The following LINC00305 variants were observed in gnomAD, a reference collection of about 807,000 sequenced individuals.
The protein encoded by LINC00305 is long independently transcribed non-coding RNA 305.
chr18:64,085,257 C>CTATTCT (rs2144891598), intron 3 of LINC00305, among the ~76,000 whole-genome samples: 1 of 152,292 alleles, frequency 6.6e-6, no homozygotes, highest in African/African-American at 2.4e-5. Flanking sequence ...ATTCCTATTC[C>CTATTCT]TATTCTTATG....
chr18:64,108,897 A>G (rs962364178), intron 1 of LINC00305, among the ~76,000 whole-genome samples: 1 of 152,248 alleles, frequency 6.6e-6, no homozygotes, highest in Non-Finnish European at 1.5e-5. Flanking sequence ...AGAAAAAGAA[A>G]GAAACATAAT....
intron 1 of LINC00305, among the ~76,000 whole-genome samples, chr18:64,120,005 CA>C (rs1421468999): frequency 6.6e-6 from 1 of 152,008 alleles, no homozygotes; most frequent in Non-Finnish European, 1.5e-5. Context: ...ACAAAAAAAA[CA>C]AAATAAGCTT....
At chr18:64,105,100 G>C (rs918063610) in intron 1 of LINC00305, among the ~76,000 whole-genome samples, 9 of 152,040 alleles carry the variant, frequency 5.9e-5, no homozygotes, top group Non-Finnish European at 1.0e-4. Context: ...GAAAAAAAAG[G>C]ACAGTTTTTT....
chr18:64,108,948 A>G lies in LINC00305; in HGVS notation n.315-10308T>C, dbSNP rs561779569. 6.6e-5 allele frequency among the ~76,000 whole-genome samples: 10 copies of G among 152,344 alleles called. No homozygotes were observed. The East Asian group carries it at 1.7e-3, about 26-fold the overall frequency. ...TTCCCCATTCAGGGGATTAAAAACT[A>G]ACTTTTATTTCTTTTCCCATTTATG... is the stretch of plus-strand genomic sequence containing the variant. On this transcript the variant is annotated intron_variant and non_coding_transcript_variant, in intron 1 of 3. Transcript: ENST00000666468.
intron 1 of LINC00305, among the ~76,000 whole-genome samples, chr18:64,108,215 A>T (rs2051299669): frequency 6.6e-6 from 1 of 152,170 alleles, no homozygotes. Context: ...GTTAAAGTCG[A>T]AGGAAGGGTA....
chr18:64,101,235 C>T (rs189291766), intron 1 of LINC00305, among the ~76,000 whole-genome samples: 245 of 152,198 alleles, frequency 1.6e-3, no homozygotes, highest in African/African-American at 5.6e-3. Flanking sequence ...AACTCGGCAT[C>T]GAGGAACAAG....
At chr18:64,131,945 A>G (rs1434615452) in intron 1 of LINC00305, among the ~76,000 whole-genome samples, 1 of 152,214 alleles carries the variant, frequency 6.6e-6, no homozygotes, top group Non-Finnish European at 1.5e-5. Context: ...CCCAAATTGA[A>G]AAAAGTCTCT....
intron 1 of LINC00305, among the ~76,000 whole-genome samples, chr18:64,105,966 G>A (rs150848065): frequency 9.9e-4 from 151 of 152,298 alleles, no homozygotes; most frequent in African/African-American, 3.3e-3. Context: ...CCTGCAATTG[G>A]CCATACCTGG....
intron 1 of LINC00305, among the ~76,000 whole-genome samples, chr18:64,129,912 A>C (rs62103761): frequency 0.013 from 1,939 of 152,264 alleles, 27 homozygotes; most frequent in Non-Finnish European, 0.018. Flanking sequence ...AAAGGGGCTT[A>C]AAGTTAAATG....
intron 3 of LINC00305, among the ~76,000 whole-genome samples, chr18:64,081,071 C>A (rs2051183255): frequency 6.6e-6 from 1 of 152,026 alleles, no homozygotes; most frequent in South Asian, 2.1e-4. Flanking sequence ...CAATATAATC[C>A]ATCTGGAAAA....
chr18:64,115,807 G>A (rs557328422), intron 1 of LINC00305, among the ~76,000 whole-genome samples: 3 of 151,964 alleles, frequency 2.0e-5, no homozygotes, highest in South Asian at 4.2e-4. Context: ...AAAGCTTCTT[G>A]CCAGTTTTGC....
intron 1 of LINC00305, among the ~76,000 whole-genome samples, chr18:64,134,412 C>T (rs1272921659): frequency 1.3e-5 from 2 of 152,170 alleles, no homozygotes; most frequent in African/African-American, 2.4e-5. Flanking sequence ...GAAAATATGA[C>T]TTCTCTGCTT....
intron 1 of LINC00305, among the ~76,000 whole-genome samples, chr18:64,125,006 C>T (rs2051378711): frequency 6.6e-6 from 1 of 151,954 alleles, no homozygotes; most frequent in Admixed American, 6.6e-5. Flanking sequence ...TTTTCCTAAC[C>T]ATCCATCATT....
intron 1 of LINC00305, among the ~76,000 whole-genome samples, chr18:64,147,657 GTTAA>G (rs1244900712): frequency 1.3e-5 from 2 of 152,136 alleles, no homozygotes; most frequent in African/African-American, 4.8e-5. Context: ...GTCAGCTTGA[GTTAA>G]TTACTCAGTA....
chr18:64,080,264 C>G (rs960338783), exon 4 of LINC00305: 1 of 455,486 alleles, frequency 2.2e-6, no homozygotes, highest in African/African-American at 2.0e-5. Context: ...AACTTGTCAT[C>G]TTCTCTGTTT....
At chr18:64,087,882 G>A (rs901759085) in intron 3 of LINC00305, among the ~76,000 whole-genome samples, 9 of 151,924 alleles carry the variant, frequency 5.9e-5, no homozygotes, top group East Asian at 1.9e-4. Context: ...ACAAGGTCAG[G>A]AGATCAAGAC....
At chr18:64,106,566 C>T (rs1568108655) in intron 1 of LINC00305, among the ~76,000 whole-genome samples, 1 of 152,134 alleles carries the variant, frequency 6.6e-6, no homozygotes, top group Non-Finnish European at 1.5e-5. Flanking sequence ...TATCATGACA[C>T]TTGCAAAATG....
chr18:64,139,886 T>C (rs1180219738), intron 1 of LINC00305, among the ~76,000 whole-genome samples: 1 of 152,110 alleles, frequency 6.6e-6, no homozygotes, highest in South Asian at 2.1e-4. Context: ...TAGCAACCCG[T>C]CTTACTCAGA....
At chr18:64,091,059 A>C (rs530944185) in intron 3 of LINC00305, among the ~76,000 whole-genome samples, 1 of 152,170 alleles carries the variant, frequency 6.6e-6, no homozygotes, top group African/African-American at 2.4e-5. Context: ...CTTTTCTACT[A>C]TGTGGTCATT....
Sources: gnomAD v4.1 joint callset for allele counts (sites outside exome capture counted in the v4.1 genomes callset) on GRCh38, gnomAD v4.1.1 for gene constraint, MANE v1.5 for transcripts, NCBI Gene and HGNC (gene_info 2026-07-23, HGNC 2026-07-21) for gene names.